The following NKAIN2 variants were observed in gnomAD, a reference collection of about 807,000 sequenced individuals.
The protein encoded by NKAIN2 is sodium/potassium transporting ATPase interacting 2.
In NKAIN2, 14 loss-of-function variants were observed where a neutral mutation model predicts 32.6. The ratio of observed to expected loss-of-function variants is 0.43; its 90% CI spans 0.28 to 0.67. The LOEUF is 0.67. Among genes scored for constraint, NKAIN2 ranks in the 30% least tolerant of loss-of-function variants. The probability of loss-of-function intolerance (pLI) is 0.17; values close to 1 mark genes in which losing one functional copy is unlikely to be tolerated. For synonymous variants in NKAIN2, 80 were observed against 87.2 expected (o/e 0.92, Z 0.46); for missense variants, 198 against 258.3 (o/e 0.77, Z 1.60).
At chr6:124,141,174 G>A (rs942571689) in intron 1 of NKAIN2, among the ~76,000 whole-genome samples, 1 of 152,126 alleles carries the variant, frequency 6.6e-6, no homozygotes, top group South Asian at 2.1e-4. Flanking sequence ...TGCGTATTGA[G>A]TCAGAAATGG....
rs777466801 is a variant in NKAIN2 at position 123,849,949 on chromosome 6, G to GTTTTTTT, written c.54+45701_54+45707dup. 3.9e-4 allele frequency among the ~76,000 whole-genome samples: 15 copies of GTTTTTTT among 38,726 alleles called. 1 individual carries two copies. The highest frequency in any genetic ancestry group is 7.8e-4 in the Non-Finnish European group (7 of 8,964). 25.4% of individuals were successfully genotyped at this position (38,726 alleles called of 152,430 possible). A position where few individuals can be genotyped will look rare whatever the true frequency, so the allele number is the denominator to read the frequency against. On this transcript the variant is annotated intron_variant, in intron 1 of 6. Transcript: ENST00000368417. ...TGGTTTCACTCTGTAACTCAGGCTGGTTTTTTTTTTTTGTTTGTTTGTTTT... is the reference window on the plus strand; with the variant it reads ...TGGTTTCACTCTGTAACTCAGGCTGGTTTTTTTTTTTTTTTTTTTGTTTGTTTGTTTT...
chr6:123,892,559 G>C (rs767255954), intron 1 of NKAIN2, among the ~76,000 whole-genome samples: 3 of 151,918 alleles, frequency 2.0e-5, no homozygotes, highest in African/African-American at 7.3e-5. Flanking sequence ...ACCTTGACAC[G>C]TGGGGATTAT....
chr6:124,605,738 A>C (rs1394898895), intron 3 of NKAIN2, among the ~76,000 whole-genome samples: 1 of 152,014 alleles, frequency 6.6e-6, no homozygotes, highest in African/African-American at 2.4e-5. Flanking sequence ...CTCATTTTAT[A>C]AATTTAGGAC....
intron 3 of NKAIN2, among the ~76,000 whole-genome samples, chr6:124,576,534 G>A (rs537435664): frequency 2.9e-4 from 44 of 152,138 alleles, no homozygotes; most frequent in Non-Finnish European, 5.0e-4. Context: ...ATTAAGAATC[G>A]TTTTATATTT....
chr6:123,940,577 T>C (rs1440217588), intron 1 of NKAIN2, among the ~76,000 whole-genome samples: 1 of 152,030 alleles, frequency 6.6e-6, no homozygotes, highest in African/African-American at 2.4e-5. Flanking sequence ...TGTTACTATA[T>C]TGTAGGCACT....
intron 1 of NKAIN2, among the ~76,000 whole-genome samples, chr6:124,212,925 A>C (rs1052256395): frequency 2.6e-5 from 4 of 152,166 alleles, no homozygotes; most frequent in African/African-American, 9.6e-5. Flanking sequence ...CAGTTTATTA[A>C]TAGCTCTCCT....
intron 1 of NKAIN2, among the ~76,000 whole-genome samples, chr6:123,940,639 A>G (rs1776771807): frequency 6.6e-6 from 1 of 152,050 alleles, no homozygotes; most frequent in Admixed American, 6.6e-5. Context: ...ATATCTAAAC[A>G]CAGAAAAGCT....
intron 3 of NKAIN2, among the ~76,000 whole-genome samples, chr6:124,624,563 C>T (rs1292886314): frequency 6.6e-6 from 1 of 152,142 alleles, no homozygotes; most frequent in Non-Finnish European, 1.5e-5. Context: ...CAAAAGATAT[C>T]ATAGATAAAC....
chr6:124,713,892 A>G (rs958389791), intron 4 of NKAIN2, among the ~76,000 whole-genome samples: 2 of 152,230 alleles, frequency 1.3e-5, no homozygotes, highest in Non-Finnish European at 2.9e-5. Context: ...CAGAGATGCT[A>G]TAGGGTCAGG....
intron 4 of NKAIN2, among the ~76,000 whole-genome samples, chr6:124,659,228 G>C (rs1784655305): frequency 6.6e-6 from 1 of 152,060 alleles, no homozygotes; most frequent in Non-Finnish European, 1.5e-5. Flanking sequence ...GATTCTATGT[G>C]GATGTGCAAT....
chr6:124,482,605 G>C (rs950731136), intron 3 of NKAIN2, among the ~76,000 whole-genome samples: 1 of 152,108 alleles, frequency 6.6e-6, no homozygotes, highest in African/African-American at 2.4e-5. Flanking sequence ...GGGAGAATAT[G>C]ACTTGCCATC....
At chr6:124,340,369 C>A (rs867260155) in intron 2 of NKAIN2, among the ~76,000 whole-genome samples, 1 of 151,952 alleles carries the variant, frequency 6.6e-6, no homozygotes, top group Non-Finnish European at 1.5e-5. Flanking sequence ...CATCCCTAGG[C>A]CTTTTCTTTT....
At chr6:124,252,440 T>G (rs888339304) in intron 1 of NKAIN2, among the ~76,000 whole-genome samples, 8 of 152,202 alleles carry the variant, frequency 5.3e-5, no homozygotes, top group Middle Eastern at 3.4e-3. Context: ...AGGATCATCC[T>G]TACCTGAAGG....
chr6:124,364,757 A>T (rs952154659), intron 3 of NKAIN2, among the ~76,000 whole-genome samples: 1 of 151,990 alleles, frequency 6.6e-6, no homozygotes, highest in Non-Finnish European at 1.5e-5. Flanking sequence ...CAGAGTGAGA[A>T]AAAAAACACC....
intron 1 of NKAIN2, among the ~76,000 whole-genome samples, chr6:123,838,842 G>GA (rs1424841963): frequency 1.3e-5 from 2 of 152,130 alleles, no homozygotes; most frequent in Non-Finnish European, 2.9e-5. Flanking sequence ...CTGTATGCTA[G>GA]AAAAAGGCAA....
At chr6:124,718,818 T>C (rs182950161) in intron 4 of NKAIN2, among the ~76,000 whole-genome samples, 1 of 152,278 alleles carries the variant, frequency 6.6e-6, no homozygotes, top group Admixed American at 6.5e-5. Flanking sequence ...CCTGTGTCTA[T>C]CTTCACAGCC....
chr6:123,931,015 GA>G (rs897115718), intron 1 of NKAIN2, among the ~76,000 whole-genome samples: 2 of 151,850 alleles, frequency 1.3e-5, no homozygotes, highest in Non-Finnish European at 2.9e-5. Context: ...TGCCTGCGAT[GA>G]AGGCGGGGCA....
intron 5 of NKAIN2, among the ~76,000 whole-genome samples, chr6:124,817,445 A>G (rs1340543420): frequency 6.6e-6 from 1 of 152,090 alleles, no homozygotes; most frequent in Non-Finnish European, 1.5e-5. Flanking sequence ...ACACTTATCC[A>G]TTGGTCCTTC....
At chr6:124,194,535 G>A (rs573588355) in intron 1 of NKAIN2, among the ~76,000 whole-genome samples, 22 of 151,660 alleles carry the variant, frequency 1.5e-4, no homozygotes, top group Middle Eastern at 3.4e-3. Flanking sequence ...CTTGATTTTC[G>A]TACATTCCTT....
Sources: allele counts gnomAD v4.1 joint callset (sites outside exome capture counted in the v4.1 genomes callset), GRCh38; gene constraint gnomAD v4.1.1; transcripts MANE v1.5; gene names NCBI Gene and HGNC (gene_info 2026-07-23, HGNC 2026-07-21).